The following XIRP2 variants were observed in gnomAD, a reference collection of about 807,000 sequenced individuals.
The protein encoded by XIRP2 is xin actin binding repeat containing 2.
A neutral mutation model predicts 277.0 loss-of-function variants in XIRP2; 236 were observed. That is an observed-to-expected ratio of 0.85 (90% CI 0.77 to 0.95). XIRP2 has a LOEUF of 0.95. XIRP2 is among the 40% of genes least tolerant of loss of function. The pLI, the probability that XIRP2 is intolerant of heterozygous loss-of-function variation, is 0.00. For synonymous variants in XIRP2, 1,490 were observed against 1,416.5 expected (o/e 1.05, Z -1.17); for missense variants, 4,640 against 4,157.5 (o/e 1.12, Z -3.19).
rs1346455172 is a variant in XIRP2 at position 167,259,081 on chromosome 2, AT to A, written c.*1268del. On this transcript the variant is annotated 3_prime_UTR_variant, in exon 11 of 11. Coordinates refer to ENST00000409195, the MANE Select transcript of XIRP2 (RefSeq NM_152381.6). ...TTTCTAACACCGTGAAAATCACTGC[AT>A]TTTCCAAGAAAAATGAGAACATTTT... 4 of 1,611,580 alleles carry A rather than the reference AT, an allele frequency of 2.5e-6. No individual in the cohort carries two copies.
intron 5 of XIRP2, 64 bp from the exon 6 acceptor site, chr2:167,239,790 CA>C: frequency 7.1e-7 from 1 of 1,406,072 alleles, no homozygotes; most frequent in Non-Finnish European, 9.7e-7. Context: ...TGAAATTGCA[CA>C]AATAAAAAAA....
Position 167,135,929 on chromosome 2 carries a change from T to A in XIRP2, c.429T>A (p.Ser143Arg), listed in dbSNP as rs1442109157. ...YGGKEVEIERSLCSPAFKSHP... is the reference protein window; with the variant it reads ...YGGKEVEIERRLCSPAFKSHP... ...AACAGGAAGTGGAAATTGAGCGAAG[T>A]TTGTGCTCGCCAGCTTTTAAGAGTC... The change falls in exon 3 of 11, where the codon AGT becomes AGA. Residue 143 changes from serine (S) to arginine (R), a missense_variant. Ser to Arg is a moderately radical substitution (Grantham distance 110). Transcript: ENST00000409195. 1 of 1,602,024 alleles carries A rather than the reference T, an allele frequency of 6.2e-7. No homozygotes were observed. Among genetic ancestry groups the A allele is most frequent in the African/African-American group, 1.3e-5 (1 of 74,324 alleles).
intron 3 of XIRP2, among the ~76,000 whole-genome samples, chr2:167,193,896 A>AAAG (rs2105369363): frequency 6.6e-6 from 1 of 151,662 alleles, no homozygotes; most frequent in East Asian, 1.9e-4. Context: ...AAAAAAAAAA[A>AAAG]AAAATTCAGT....
In XIRP2 at chr2:167,247,904, C is replaced by A. The variant is rs1695330901; in HGVS notation, c.6512C>A (p.Pro2171Gln). ...CCCACCCAGCATCCAGTCAGCATGCCAGTTGGAGGAACTTACGACCTTTCA... is the reference window on the plus strand; with the variant it reads ...CCCACCCAGCATCCAGTCAGCATGCAAGTTGGAGGAACTTACGACCTTTCA... ...PSPTQHPVSM[P>Q]VGGTYDLSGD... is the part of the protein sequence containing the mutation. The change falls in exon 9 of 11, where the codon CCA (proline) becomes CAA (glutamine). Residue 2171 changes from proline (P) to glutamine (Q), a missense_variant. Pro to Gln is a moderately conservative substitution (Grantham distance 76). Coordinates refer to ENST00000409195, the MANE Select transcript of XIRP2 (RefSeq NM_152381.6). 1 of 1,613,220 alleles carries A rather than the reference C, an allele frequency of 6.2e-7. No individual in the cohort carries two copies. Among genetic ancestry groups the A allele is most frequent in the Admixed American group, 1.7e-5 (1 of 59,884 alleles).
intron 2 of XIRP2, among the ~76,000 whole-genome samples, chr2:167,048,879 T>G (rs1263178479): frequency 6.6e-6 from 1 of 151,992 alleles, no homozygotes; most frequent in South Asian, 2.1e-4. Context: ...TCTGTTTATC[T>G]TCTTTTTCCT....
intron 3 of XIRP2, among the ~76,000 whole-genome samples, chr2:167,146,684 A>G (rs1456406586): frequency 2.0e-5 from 3 of 152,188 alleles, no homozygotes; most frequent in Admixed American, 6.5e-5. Flanking sequence ...ATTCAAAGAC[A>G]CATGACTAAA....
chr2:167,165,997 G>C (rs182244241), intron 3 of XIRP2, among the ~76,000 whole-genome samples: 1 of 152,218 alleles, frequency 6.6e-6, no homozygotes, highest in Admixed American at 6.5e-5. Flanking sequence ...TGATCCATTA[G>C]AATTTTTTTA....
In XIRP2 at chr2:167,244,767, A is replaced by T; in HGVS notation, c.3375A>T (p.Lys1125Asn). The T allele has an allele frequency of 1.2e-6, 2 of 1,613,430 alleles. No individual in the cohort carries two copies. The highest frequency in any genetic ancestry group is 1.7e-6 in the Non-Finnish European group (2 of 1,179,724). Residue 1125 changes from lysine to asparagine, a missense_variant, in exon 9 of 11, where the codon AAA becomes AAT. Coordinates refer to ENST00000409195, the MANE Select transcript of XIRP2 (RefSeq NM_152381.6). ...SSEEIHKGDVKTCTWLFETQP... is the reference protein window; with the variant it reads ...SSEEIHKGDVNTCTWLFETQP... ...AAGAAATTCATAAGGGAGATGTCAA[A>T]ACTTGTACTTGGCTCTTTGAAACTC...
At chr2:167,220,675 T>C (rs1466038945) in intron 5 of XIRP2, among the ~76,000 whole-genome samples, 16 of 152,284 alleles carry the variant, frequency 1.1e-4, no homozygotes, top group Admixed American at 1.0e-3. Context: ...TTATAGCATC[T>C]TGTTGGCTCC....
intron 2 of XIRP2, among the ~76,000 whole-genome samples, chr2:167,111,607 A>T (rs1191841381): frequency 6.6e-6 from 1 of 152,050 alleles, no homozygotes; most frequent in African/African-American, 2.4e-5. Flanking sequence ...ATCTATGTTC[A>T]TCAAGGTTAC....
At chr2:167,068,987 G>A (rs189569033) in intron 2 of XIRP2, among the ~76,000 whole-genome samples, 130 of 152,238 alleles carry the variant, frequency 8.5e-4, no homozygotes, top group African/African-American at 2.7e-3. Context: ...TAGAGGATTT[G>A]CCCTTCCTTC....
intron 2 of XIRP2, among the ~76,000 whole-genome samples, chr2:167,006,764 C>T (rs1687514195): frequency 6.6e-6 from 1 of 151,718 alleles, no homozygotes; most frequent in African/African-American, 2.4e-5. Context: ...AATCCCAGCA[C>T]ACCAATAAAT....
At chr2:166,896,029 G>A (rs542072892) in intron 1 of XIRP2, among the ~76,000 whole-genome samples, 1 of 152,174 alleles carries the variant, frequency 6.6e-6, no homozygotes, top group Non-Finnish European at 1.5e-5. Flanking sequence ...TGGATGTTAT[G>A]AGCAATTTAT....
intron 2 of XIRP2, among the ~76,000 whole-genome samples, chr2:167,058,434 T>C (rs1689092537): frequency 6.6e-6 from 1 of 152,138 alleles, no homozygotes; most frequent in Admixed American, 6.6e-5. Context: ...CTCCAAAACT[T>C]AGCAGGTTAA....
intron 2 of XIRP2, among the ~76,000 whole-genome samples, chr2:167,053,672 A>G (rs75586274): frequency 0.053 from 8,060 of 152,236 alleles, 700 homozygotes; most frequent in African/African-American, 0.18. Flanking sequence ...ATGTAGTGGT[A>G]CTTCATACCA....
At position 167,259,074 on chromosome 2, in the gene XIRP2, T is replaced by C. The variant is rs946889755; in HGVS notation, c.*1257T>C. ...TTTTTCTTTTCTAACACCGTGAAAA[T>C]CACTGCATTTTCCAAGAAAAATGAG... On this transcript the variant is annotated 3_prime_UTR_variant, in exon 11 of 11. Coordinates refer to ENST00000409195, the MANE Select transcript of XIRP2 (RefSeq NM_152381.6). 1.2e-6 allele frequency: 2 copies of C among 1,611,536 alleles called. No homozygotes were observed. The highest frequency in any genetic ancestry group is 1.3e-5 in the African/African-American group (1 of 74,806).
At chr2:166,893,776 T>C (rs1465282267) in intron 1 of XIRP2, among the ~76,000 whole-genome samples, 1 of 152,176 alleles carries the variant, frequency 6.6e-6, no homozygotes, top group African/African-American at 2.4e-5. Context: ...GTAATAATCA[T>C]AGATTTCTTA....
chr2:167,159,471 A>C (rs150478734), intron 3 of XIRP2, among the ~76,000 whole-genome samples: 3 of 151,048 alleles, frequency 2.0e-5, no homozygotes, highest in Admixed American at 2.0e-4. Flanking sequence ...TATCATGGAT[A>C]AAGTCATTTA....
chr2:167,020,680 A>G (rs1687958405), intron 2 of XIRP2, among the ~76,000 whole-genome samples: 1 of 152,156 alleles, frequency 6.6e-6, no homozygotes, highest in South Asian at 2.1e-4. Flanking sequence ...TATACTGGAC[A>G]AACACAGATG....
Sources: allele counts gnomAD v4.1 joint callset (sites outside exome capture counted in the v4.1 genomes callset), GRCh38; gene constraint gnomAD v4.1.1; transcripts MANE v1.5; gene names NCBI Gene and HGNC (gene_info 2026-07-23, HGNC 2026-07-21).